TBP: variants seen among roughly 807,000 people sequenced by gnomAD.
TBP encodes the protein TATA-box-binding protein.
Under a neutral mutation model 46.2 loss-of-function variants are expected in TBP, and 12 were observed. The observed-to-expected ratio is 0.26, with a 90% CI of 0.17 to 0.42. The LOEUF (loss-of-function observed/expected upper bound fraction) is 0.42, where lower values mean the gene tolerates loss of function less well. Among genes scored for constraint, TBP ranks in the 10% least tolerant of loss-of-function variants. The pLI is 1.00. For missense variants in TBP, 229 were observed against 403.1 expected, an observed-to-expected ratio of 0.57 and a Z score of 3.70; for synonymous variants, 157 against 148.3, an observed-to-expected ratio of 1.06 and a Z score of -0.42.
intron 4 of TBP, among the ~76,000 whole-genome samples, chr6:170,565,912 A>C (rs2114998522): frequency 6.6e-6 from 1 of 152,246 alleles, no homozygotes; most frequent in East Asian, 1.9e-4. Flanking sequence ...GTTTCATCAG[A>C]AAATTTAAAA....
chr6:170,555,460 C>A (rs1225707457), intron 1 of TBP, among the ~76,000 whole-genome samples: 2 of 152,236 alleles, frequency 1.3e-5, no homozygotes, highest in African/African-American at 4.8e-5. Flanking sequence ...TGTGCTGTCT[C>A]ATCTGCTGCA....
chr6:170,569,487 T>G (rs1779333349), intron 5 of TBP, 125 bp from the exon 6 acceptor site: 1 of 708,844 alleles, frequency 1.4e-6, no homozygotes, highest in African/African-American at 1.8e-5. Flanking sequence ...TTTCTCCTAT[T>G]GCAAGAAGGC....
At chr6:170,570,039 C>T (rs940697497) in intron 6 of TBP, among the ~76,000 whole-genome samples, 8 of 152,090 alleles carry the variant, frequency 5.3e-5, no homozygotes, top group African/African-American at 1.9e-4. Flanking sequence ...TATGTTTTAT[C>T]GTTTTATTGC....
chr6:170,570,127 C>A (rs1779343035), intron 6 of TBP, among the ~76,000 whole-genome samples: 1 of 152,132 alleles, frequency 6.6e-6, no homozygotes, highest in Admixed American at 6.5e-5. Context: ...CTCTTTTAGT[C>A]AACATTGTGT....
At position 170,571,395 on chromosome 6, in the gene TBP, C is replaced by A. The variant is rs746396810; in HGVS notation, c.846-15C>A. ...AAGCTCTTGATTTCTAAACTTTTTGCAATTTTCCTTCTAGTTATGAGCCAG... is the reference window on the plus strand; with the variant it reads ...AAGCTCTTGATTTCTAAACTTTTTGAAATTTTCCTTCTAGTTATGAGCCAG... On this transcript the variant is annotated splice_polypyrimidine_tract_variant and intron_variant, in intron 6 of 7. Transcript: ENST00000392092. 1.3e-6 allele frequency: 2 copies of A among 1,597,826 alleles called. No homozygotes were observed. Among genetic ancestry groups the A allele is most frequent in the South Asian group, 1.1e-5 (1 of 89,646 alleles).
chr6:170,569,062 C>T (rs1240905573), intron 5 of TBP, among the ~76,000 whole-genome samples: 1 of 152,104 alleles, frequency 6.6e-6, no homozygotes, highest in Non-Finnish European at 1.5e-5. Context: ...AGCTATCCGC[C>T]TTGGCCTCCC....
At chr6:170,562,346 AT>A (rs1297605906) in intron 3 of TBP, 113 bp downstream of exon 3, 39 of 1,195,906 alleles carry the variant, frequency 3.3e-5, no homozygotes, top group Non-Finnish European at 4.0e-5. Context: ...ACTAACGGTA[AT>A]TGTGTATCAA....
chr6:170,554,858 T>C (rs1039906058), intron 1 of TBP, among the ~76,000 whole-genome samples: 1 of 152,202 alleles, frequency 6.6e-6, no homozygotes, highest in African/African-American at 2.4e-5. Flanking sequence ...GCTGCCAACA[T>C]TGAGACTTAA....
chr6:170,562,119 C>G lies in TBP; in HGVS notation c.383C>G (p.Thr128Arg), dbSNP rs760224751. The change falls in exon 3 of 8, where the codon ACA becomes AGA. Residue 128 changes from threonine (T) to arginine (R), a missense_variant. By Grantham distance (71) the Thr-to-Arg change is moderately conservative. This residue lies in a region of TBP where 69 missense variants were observed against 66.2 expected (regional missense o/e 1.04). Transcript: ENST00000392092. ...CAGCTCTTCCACTCACAGACTCTCA[C>G]AACTGCACCCTTGCCGGGCACCACT... ...APQLFHSQTL[T>R]TAPLPGTTPL... 2 of 1,614,220 alleles carry G rather than the reference C, an allele frequency of 1.2e-6. No individual in the cohort carries two copies. Among genetic ancestry groups the G allele is most frequent in the Non-Finnish European group, 1.7e-6 (2 of 1,180,034 alleles).
chr6:170,563,789 C>G (rs529321297), intron 3 of TBP, among the ~76,000 whole-genome samples: 171 of 152,320 alleles, frequency 1.1e-3, no homozygotes, highest in African/African-American at 4.0e-3. Flanking sequence ...ATTCAAAGGG[C>G]ATTGCCCATT....
intron 2 of TBP, 118 bp from the exon 3 acceptor site, chr6:170,561,666 TTAATAAC>T: frequency 5.3e-6 from 8 of 1,498,078 alleles, no homozygotes; most frequent in Non-Finnish European, 7.1e-6. Flanking sequence ...TAATTAATGT[TTAATAAC>T]CCCATTATTC....
intron 5 of TBP, among the ~76,000 whole-genome samples, chr6:170,569,292 CCT>C (rs1347350929): frequency 1.2e-4 from 18 of 152,176 alleles, no homozygotes; most frequent in African/African-American, 4.1e-4. Flanking sequence ...TGTTAGTTTT[CCT>C]CTCAGTAGAA....
At chr6:170,569,877 GA>G (rs1412289044) in intron 6 of TBP, 98 bp downstream of exon 6, 1 of 1,155,448 alleles carries the variant, frequency 8.7e-7, no homozygotes, top group Admixed American at 2.3e-5. Flanking sequence ...CAGTATATGA[GA>G]ACAGTTGACA....
chr6:170,567,102 A>G (rs1358444129), intron 5 of TBP, 93 bp downstream of exon 5: 2 of 791,676 alleles, frequency 2.5e-6, no homozygotes, highest in East Asian at 3.2e-5. Context: ...GCACTTTAAC[A>G]TGTTATTATT....
intron 5 of TBP, among the ~76,000 whole-genome samples, chr6:170,568,138 C>G (rs1281175028): frequency 6.6e-6 from 1 of 152,116 alleles, no homozygotes; most frequent in East Asian, 1.9e-4. Flanking sequence ...CTTTCACTTC[C>G]CCTTGGCCAC....
chr6:170,561,039 C>T (rs555033574), intron 2 of TBP, among the ~76,000 whole-genome samples: 1 of 152,306 alleles, frequency 6.6e-6, no homozygotes, highest in East Asian at 1.9e-4. Context: ...GTGTGGCAAA[C>T]TTCGTCAGTC....
intron 3 of TBP, among the ~76,000 whole-genome samples, chr6:170,562,511 A>G (rs535034794): frequency 6.6e-6 from 1 of 152,308 alleles, no homozygotes; most frequent in African/African-American, 2.4e-5. Flanking sequence ...CGTTATTATT[A>G]TATTATAGAC....
chr6:170,557,975 A>G (rs564834945), intron 2 of TBP, among the ~76,000 whole-genome samples: 4 of 152,220 alleles, frequency 2.6e-5, no homozygotes, highest in Non-Finnish European at 4.4e-5. Context: ...ATATAGATGG[A>G]ATCAGAGTGT....
chr6:170,562,590 C>T (rs967671491), intron 3 of TBP, among the ~76,000 whole-genome samples: 17 of 152,076 alleles, frequency 1.1e-4, no homozygotes, highest in African/African-American at 4.1e-4. Context: ...TATTTTAGGT[C>T]TTTAGTCACA....
Sources: gnomAD v4.1 joint callset for allele counts (sites outside exome capture counted in the v4.1 genomes callset) on GRCh38, gnomAD v4.1.1 for gene constraint, gnomAD v4.1.1 regional missense constraint, MANE v1.5 for transcripts, NCBI Gene and HGNC (gene_info 2026-07-23, HGNC 2026-07-21) for gene names.